PLEKHA2: variants seen among roughly 807,000 people sequenced by gnomAD.
PLEKHA2 encodes the protein pleckstrin homology domain-containing family A member 2.
In PLEKHA2, 28 loss-of-function variants were observed where a neutral mutation model predicts 53.2. That is an observed-to-expected ratio of 0.53 (90% CI 0.39 to 0.72). The LOEUF (loss-of-function observed/expected upper bound fraction) is 0.72, where lower values mean the gene tolerates loss of function less well. Among genes scored for constraint, PLEKHA2 ranks in the 30% least tolerant of loss-of-function variants. The pLI is 0.00. For synonymous variants in PLEKHA2, 193 were observed against 196.4 expected (o/e 0.98, Z 0.14); for missense variants, 426 against 537.9 (o/e 0.79, Z 2.06).
At chr8:38,965,465 A>G (rs752834120) in intron 10 of PLEKHA2, among the ~76,000 whole-genome samples, 15 of 152,188 alleles carry the variant, frequency 9.9e-5, no homozygotes, top group Non-Finnish European at 1.8e-4. Context: ...TTTAATGAAA[A>G]TGTCAGATCT....
At chr8:38,937,578 G>A (rs991980990) in intron 3 of PLEKHA2, among the ~76,000 whole-genome samples, 5 of 152,178 alleles carry the variant, frequency 3.3e-5, no homozygotes, top group South Asian at 2.1e-4. Flanking sequence ...CTCAGATGAG[G>A]GTTTTAGAGT....
At chr8:38,951,070 T>A (rs1834828349) in intron 6 of PLEKHA2, 80 bp downstream of exon 6, 1 of 813,090 alleles carries the variant, frequency 1.2e-6, no homozygotes. Context: ...CTCGGAGCAC[T>A]GTACTGGGGA....
At chr8:38,925,800 GT>G (rs1479584796) in intron 2 of PLEKHA2, among the ~76,000 whole-genome samples, 2 of 152,226 alleles carry the variant, frequency 1.3e-5, no homozygotes, top group African/African-American at 4.8e-5. Context: ...CAATACTGTT[GT>G]CTTAAAGGCT....
At chr8:38,966,563 C>G (rs1423795535) in intron 10 of PLEKHA2, among the ~76,000 whole-genome samples, 2 of 152,144 alleles carry the variant, frequency 1.3e-5, no homozygotes, top group African/African-American at 4.8e-5. Flanking sequence ...GAACTCAACC[C>G]CTATAAAGCT....
chr8:38,940,486 G>T lies in PLEKHA2; in HGVS notation c.199-3303G>T, dbSNP rs115356453. On this transcript the variant is annotated intron_variant, in intron 3 of 11. Coordinates refer to ENST00000617275, the MANE Select transcript of PLEKHA2 (RefSeq NM_021623.2). The stretch of plus-strand genomic sequence containing the variant: ...GATGGCCAAACACAGTTCTGCTGTG[G>T]TCAGGATTATGCAGAGATCAGGGGC... Among the ~76,000 whole-genome samples the T allele has an allele frequency of 4.9e-3, 749 of 152,138 alleles. 7 individuals carry two copies. The highest frequency in any genetic ancestry group is 0.017 in the African/African-American group (724 of 41,488).
chr8:38,938,260 T>C (rs1390379132), intron 3 of PLEKHA2, among the ~76,000 whole-genome samples: 1 of 152,146 alleles, frequency 6.6e-6, no homozygotes, highest in Non-Finnish European at 1.5e-5. Context: ...TCCAGGTAAA[T>C]GCATAGGTGT....
At chr8:38,966,593 C>A (rs1038928189) in intron 10 of PLEKHA2, among the ~76,000 whole-genome samples, 1 of 152,196 alleles carries the variant, frequency 6.6e-6, no homozygotes, top group African/African-American at 2.4e-5. Flanking sequence ...TGACAGGCTC[C>A]ACCGGCAGTA....
chr8:38,903,716 C>T (rs1833828227), intron 1 of PLEKHA2, among the ~76,000 whole-genome samples: 2 of 152,186 alleles, frequency 1.3e-5, no homozygotes, highest in Non-Finnish European at 2.9e-5. Context: ...GTGGGTGATG[C>T]CCCTGCTGAA....
At chr8:38,915,710 C>T (rs901902988) in intron 1 of PLEKHA2, among the ~76,000 whole-genome samples, 6 of 152,176 alleles carry the variant, frequency 3.9e-5, no homozygotes, top group East Asian at 3.8e-4. Flanking sequence ...GATGCTGGGC[C>T]GGGGCTGTGA....
At chr8:38,915,471 G>A (rs1834043779) in intron 1 of PLEKHA2, among the ~76,000 whole-genome samples, 2 of 152,208 alleles carry the variant, frequency 1.3e-5, no homozygotes, top group South Asian at 4.1e-4. Context: ...TCGGCTTCTG[G>A]ATGGCTGTCA....
At chr8:38,911,315 C>T (rs935874223) in intron 1 of PLEKHA2, among the ~76,000 whole-genome samples, 1 of 151,910 alleles carries the variant, frequency 6.6e-6, no homozygotes, top group Admixed American at 6.6e-5. Context: ...CGGCTCACTG[C>T]AACCTCCGCC....
chr8:38,909,482 A>T (rs1449894001), intron 1 of PLEKHA2, among the ~76,000 whole-genome samples: 5 of 152,060 alleles, frequency 3.3e-5, no homozygotes, highest in Non-Finnish European at 7.4e-5. Flanking sequence ...TCTGTGTCCC[A>T]TCTGGGCTAT....
intron 1 of PLEKHA2, among the ~76,000 whole-genome samples, chr8:38,910,659 T>C (rs1224206469): frequency 6.6e-6 from 1 of 152,214 alleles, no homozygotes; most frequent in Non-Finnish European, 1.5e-5. Flanking sequence ...TGAAAGATCA[T>C]AGCCTGTGAT....
intron 2 of PLEKHA2, among the ~76,000 whole-genome samples, chr8:38,919,645 C>T (rs1239513091): frequency 6.6e-6 from 1 of 152,214 alleles, no homozygotes; most frequent in Non-Finnish European, 1.5e-5. Flanking sequence ...GACTAATCAT[C>T]TAGTGATCTT....
At chr8:38,902,246 C>T (rs1833801526) in intron 1 of PLEKHA2, among the ~76,000 whole-genome samples, 3 of 150,930 alleles carry the variant, frequency 2.0e-5, no homozygotes, top group Admixed American at 6.6e-5. Flanking sequence ...GAAGCTAGGC[C>T]GTTTAGAAGG....
At chr8:38,919,935 G>A (rs987252805) in intron 2 of PLEKHA2, among the ~76,000 whole-genome samples, 8 of 152,048 alleles carry the variant, frequency 5.3e-5, no homozygotes, top group Admixed American at 1.3e-4. Flanking sequence ...TTGCCTTCAG[G>A]CCCTGCGATA....
intron 10 of PLEKHA2, among the ~76,000 whole-genome samples, chr8:38,965,541 C>T (rs1360094285): frequency 6.6e-6 from 1 of 152,138 alleles, no homozygotes; most frequent in Middle Eastern, 3.2e-3. Context: ...CTTTTGTTCC[C>T]CTAGGAGGAA....
At chr8:38,907,780 TC>T (rs1564099746) in intron 1 of PLEKHA2, among the ~76,000 whole-genome samples, 12 of 146,306 alleles carry the variant, frequency 8.2e-5, no homozygotes, top group Non-Finnish European at 1.4e-4. Flanking sequence ...AAAAAATTAA[TC>T]TATTCATCTT....
Position 38,961,408 on chromosome 8 carries a change from G to A in PLEKHA2, c.837+4022G>A, listed in dbSNP as rs147492865. ...AAAAATTAGCGGGGTGTGGTGGTGC[G>A]CACCTGTAATCCCAGCTACTTGGTA... On this transcript the variant is annotated intron_variant, in intron 10 of 11. Coordinates refer to ENST00000617275, the MANE Select transcript of PLEKHA2 (RefSeq NM_021623.2). Among the ~76,000 whole-genome samples the A allele has an allele frequency of 1.3e-3, 192 of 152,030 alleles. 1 individual carries two copies. Among genetic ancestry groups the A allele is most frequent in the African/African-American group, 4.5e-3 (186 of 41,456 alleles).
Sources: gnomAD v4.1 joint callset for allele counts (sites outside exome capture counted in the v4.1 genomes callset) on GRCh38, gnomAD v4.1.1 for gene constraint, MANE v1.5 for transcripts, NCBI Gene and HGNC (gene_info 2026-07-23, HGNC 2026-07-21) for gene names.